Variants in RC3H1 observed in about 807,000 individuals in gnomAD.
RC3H1 encodes the protein roquin-1.
In RC3H1, 50 loss-of-function variants were observed where a neutral mutation model predicts 138.2. That is an observed-to-expected ratio of 0.36 (90% confidence interval 0.29 to 0.46). The LOEUF (loss-of-function observed/expected upper bound fraction) is 0.46, where lower values mean the gene tolerates loss of function less well. Among genes scored for constraint, RC3H1 ranks in the 20% least tolerant of loss-of-function variants. The pLI is 1.00. For missense variants in RC3H1, 1,031 were observed against 1,388.1 expected (o/e 0.74, Z 4.09); for synonymous variants, 462 against 489.1 (o/e 0.94, Z 0.73).
chr1:173,956,870 A>T (rs902076336), intron 13 of RC3H1, among the ~76,000 whole-genome samples: 1 of 152,042 alleles, frequency 6.6e-6, no homozygotes, highest in East Asian at 1.9e-4. Context: ...TATTTCTATA[A>T]TGTATGAATT....
At chr1:173,972,878 T>C (rs932602944) in intron 7 of RC3H1, among the ~76,000 whole-genome samples, 1 of 152,126 alleles carries the variant, frequency 6.6e-6, no homozygotes, top group Non-Finnish European at 1.5e-5. Flanking sequence ...GGCCACACAA[T>C]AGTGGTAACT....
intron 4 of RC3H1, 76 bp downstream of exon 4, chr1:173,983,342 T>C: frequency 2.0e-6 from 3 of 1,536,378 alleles, no homozygotes; most frequent in Non-Finnish European, 2.7e-6. Flanking sequence ...GAACTAGGCT[T>C]TGTACATCAC....
rs754337615 is a variant in RC3H1 at position 173,982,858 on chromosome 1, C to T, written c.637G>A (p.Asp213Asn). 6.2e-7 allele frequency: 1 copy of T among 1,613,356 alleles called. No individual in the cohort carries two copies. Among genetic ancestry groups the T allele is most frequent in the South Asian group, 1.1e-5 (1 of 90,960 alleles). Residue 213 changes from aspartate (D) to asparagine (N), a missense_variant, in exon 5 of 20, where the codon GAT becomes AAT. Around this residue, in one of 7 missense-constraint regions of RC3H1, gnomAD observed 53 missense variants for 137.4 expected, o/e 0.39. Coordinates refer to ENST00000367696, the MANE Select transcript of RC3H1 (RefSeq NM_172071.4). ...ALKLVLLALE[D>N]GSALSRKVLV... ...ACTTTTCTTGACAAAGCAGAACCAT[C>T]TTCTAAGGCCAGCAGAACCAACTTT...
At chr1:173,947,632 A>G in intron 14 of RC3H1, 50 bp from the exon 15 acceptor site, 2 of 1,430,766 alleles carry the variant, frequency 1.4e-6, no homozygotes, top group Non-Finnish European at 2.0e-6. Flanking sequence ...ATCGCTCTGT[A>G]ACCTAATTTT....
intron 8 of RC3H1, among the ~76,000 whole-genome samples, chr1:173,971,728 T>A (rs1660367731): frequency 6.6e-6 from 1 of 152,224 alleles, no homozygotes; most frequent in Admixed American, 6.5e-5. Context: ...AATAAAGCTT[T>A]GACCTGTGTT....
chr1:174,010,744 C>T (rs1186343870), intron 1 of RC3H1, among the ~76,000 whole-genome samples: 1 of 152,068 alleles, frequency 6.6e-6, no homozygotes, highest in Non-Finnish European at 1.5e-5. Context: ...TTCTTGCCTT[C>T]CTCTACCTTC....
At chr1:173,989,322 G>C (rs1661165270) in intron 2 of RC3H1, among the ~76,000 whole-genome samples, 2 of 151,218 alleles carry the variant, frequency 1.3e-5, no homozygotes, top group Non-Finnish European at 2.9e-5. Context: ...CAGCCTCACA[G>C]ACAGGTGGGA....
intron 14 of RC3H1, among the ~76,000 whole-genome samples, chr1:173,948,494 T>C (rs1659234011): frequency 1.3e-5 from 2 of 152,120 alleles, no homozygotes; most frequent in Admixed American, 1.3e-4. Flanking sequence ...CACATATATA[T>C]AGACACACAA....
chr1:173,948,050 T>C lies in RC3H1; in HGVS notation c.2524-468A>G, dbSNP rs904655138. Among the ~76,000 whole-genome samples, 8 of 152,096 alleles carry C rather than the reference T, an allele frequency of 5.3e-5. No homozygotes were observed. The South Asian group carries it at 1.7e-3, about 32-fold the overall frequency. On this transcript the variant is annotated intron_variant, in intron 14 of 19. Transcript: ENST00000367696. ...AAGCCACTGCACCTGGCCTAAGAAATATATTTTTAAAATTTATGGGAGGCC... is the reference window on the plus strand; with the variant it reads ...AAGCCACTGCACCTGGCCTAAGAAACATATTTTTAAAATTTATGGGAGGCC...
intron 1 of RC3H1, among the ~76,000 whole-genome samples, chr1:174,010,916 C>T (rs1661738430): frequency 6.6e-6 from 1 of 152,132 alleles, no homozygotes; most frequent in Non-Finnish European, 1.5e-5. Flanking sequence ...GTACTTAAAG[C>T]TTTTCATCTT....
Position 173,962,082 on chromosome 1 carries a change from A to C in RC3H1, c.1845T>G (p.Thr615=), listed in dbSNP as rs751321969. ...AGCGGGACACACATTGTGGTGGTGG[A>C]GTATAATACATACCTGCACAATACA... ...PAPYQQGMYY[T]PPPQCVSRFV... is the part of the protein sequence containing the mutation. The change falls in exon 12 of 20, where the codon ACT becomes ACG. Residue 615 remains threonine (T), a synonymous_variant. Transcript: ENST00000367696. 1 of 1,613,286 alleles carries C rather than the reference A, an allele frequency of 6.2e-7. No homozygotes were observed. Among genetic ancestry groups the C allele is most frequent in the Admixed American group, 1.7e-5 (1 of 59,986 alleles).
chr1:173,992,568 T>A (rs183796024), intron 2 of RC3H1, among the ~76,000 whole-genome samples, 187 bp downstream of exon 2: 1 of 152,016 alleles, frequency 6.6e-6, no homozygotes, highest in Non-Finnish European at 1.5e-5. Flanking sequence ...CATGCTGAAA[T>A]AAAGGATTTA....
chr1:173,982,618 G>A, intron 5 of RC3H1, 109 bp downstream of exon 5: 1 of 942,324 alleles, frequency 1.1e-6, no homozygotes, highest in Non-Finnish European at 1.5e-6. Flanking sequence ...AAATTGCTGA[G>A]ATTTTCTGAA....
In RC3H1 at chr1:173,947,381, T is replaced by C. The variant is rs758524800; in HGVS notation, c.2725A>G (p.Ile909Val). The C allele has an allele frequency of 1.1e-5, 17 of 1,612,418 alleles. No individual in the cohort carries two copies. Among genetic ancestry groups the C allele is most frequent in the South Asian group, 1.1e-5 (1 of 91,058 alleles). The change falls in exon 15 of 20, where the codon ATT (isoleucine) becomes GTT (valine). Residue 909 changes from isoleucine (I) to valine (V), a missense_variant. This residue lies in a region of RC3H1 where 716 missense variants were observed against 837.9 expected (regional missense o/e 0.85). Coordinates refer to ENST00000367696, the MANE Select transcript of RC3H1 (RefSeq NM_172071.4). ...CTGAGATTCTTACCTGAAATGTTAATAGATTTTGTAGGAGCTCCCTGAGGT... is the reference window on the plus strand; with the variant it reads ...CTGAGATTCTTACCTGAAATGTTAACAGATTTTGTAGGAGCTCCCTGAGGT... ...MAPQGAPTKS[I>V]NISDYSPYGT...
intron 1 of RC3H1, among the ~76,000 whole-genome samples, chr1:174,006,493 T>C (rs61826783): frequency 6.6e-6 from 1 of 152,150 alleles, no homozygotes; most frequent in African/African-American, 2.4e-5. Flanking sequence ...ACTTAGTGAT[T>C]TAGTCATAAT....
chr1:173,989,007 C>A (rs76967327), intron 2 of RC3H1, among the ~76,000 whole-genome samples: 1 of 151,968 alleles, frequency 6.6e-6, no homozygotes, highest in Non-Finnish European at 1.5e-5. Context: ...TTTTTGCTTT[C>A]TTGTTGGTAT....
intron 1 of RC3H1, among the ~76,000 whole-genome samples, chr1:174,003,450 T>C (rs947128477): frequency 3.3e-5 from 5 of 151,066 alleles, no homozygotes; most frequent in Non-Finnish European, 7.4e-5. Context: ...ACTACTCTCT[T>C]TTCTCACACC....
chr1:173,969,908 AATT>A (rs1660278059), intron 9 of RC3H1, among the ~76,000 whole-genome samples: 1 of 151,942 alleles, frequency 6.6e-6, no homozygotes. Context: ...AATTGATTAA[AATT>A]ATTATAATTT....
At chr1:173,994,883 TG>T (rs1436347884) in intron 1 of RC3H1, among the ~76,000 whole-genome samples, 3 of 152,080 alleles carry the variant, frequency 2.0e-5, no homozygotes, top group African/African-American at 7.2e-5. Flanking sequence ...AATGTTTTAT[TG>T]GTCTTTACTA....
Sources: allele counts gnomAD v4.1 joint callset (sites outside exome capture counted in the v4.1 genomes callset), GRCh38; gene constraint gnomAD v4.1.1; regional missense constraint gnomAD v4.1.1; transcripts MANE v1.5; gene names NCBI Gene and HGNC (gene_info 2026-07-23, HGNC 2026-07-21).